The following GALK1 variants were observed in gnomAD, a reference collection of about 807,000 sequenced individuals.
The protein encoded by GALK1 is galactokinase 1.
GALK1 carries 30 observed loss-of-function variants against 38.6 expected under a neutral mutation model. That is an observed-to-expected ratio of 0.78 (90% CI 0.58 to 1.05). GALK1 has a LOEUF of 1.05. GALK1 is among the 50% of genes least tolerant of loss of function. The pLI, the probability that GALK1 is intolerant of heterozygous loss-of-function variation, is 0.00. For synonymous variants in GALK1, 240 were observed against 233.6 expected (o/e 1.03, Z -0.25); for missense variants, 512 against 540.5 (o/e 0.95, Z 0.52).
At chr17:75,763,231 C>A (rs749966530) in intron 3 of GALK1, 82 bp from the exon 4 acceptor site, 1 of 1,610,294 alleles carries the variant, frequency 6.2e-7, no homozygotes, top group Admixed American at 1.7e-5. Context: ...GAGTCCCTGC[C>A]ACCCCCTCCA....
chr17:75,758,802 GAC>G (rs1233353239), intron 5 of GALK1, among the ~76,000 whole-genome samples: 2 of 152,214 alleles, frequency 1.3e-5, no homozygotes, highest in Non-Finnish European at 2.9e-5. Context: ...TGTAAAATGG[GAC>G]ACCTTGGTCC....
rs1568395477 is a variant in GALK1 at position 75,763,649 on chromosome 17, GTCC to G, written c.356-213_356-211del. On this transcript the variant is annotated intron_variant, in intron 2 of 7. Coordinates refer to ENST00000588479, the MANE Select transcript of GALK1 (RefSeq NM_000154.2). The stretch of plus-strand genomic sequence containing the variant: ...TGAGGTTGCTGGGACACTTCTAATT[GTCC>G]TCCTGGTTTAGGGCTCTGGAGGGAA... 4.3e-6 allele frequency: 3 copies of G among 697,826 alleles called. No homozygotes were observed. The South Asian group carries it at 5.3e-5, about 12-fold the overall frequency. The allele number at this position is 697,826 out of a possible 1,614,324, so 43.2% of individuals were successfully genotyped here. A position where few individuals can be genotyped will look rare whatever the true frequency, so the allele number is the denominator to read the frequency against.
Position 75,763,982 on chromosome 17 carries a change from A to G in GALK1, c.270T>C (p.Phe90=). ...GCGAGCGCTGGGCTGTGGGCAGTGG[A>G]AACTGCAGCCGCTGGGGCTCATCGG... ...EGADEPQRLQ[F]PLPTAQRSLE... The change falls in exon 2 of 8, where the codon TTT becomes TTC. Residue 90 remains phenylalanine, a synonymous_variant. Transcript: ENST00000588479. 6.2e-7 allele frequency: 1 copy of G among 1,612,708 alleles called. No individual in the cohort carries two copies. Among genetic ancestry groups the G allele is most frequent in the South Asian group, 1.1e-5 (1 of 90,990 alleles).
At chr17:75,764,456 G>A (rs748304279) in intron 1 of GALK1, 6 of 558,344 alleles carry the variant, frequency 1.1e-5, no homozygotes, top group South Asian at 2.8e-5. Flanking sequence ...GGCGGAAAGC[G>A]CCCCCCGCTG....
intron 2 of GALK1, 137 bp downstream of exon 2, chr17:75,763,760 G>T (rs112266635): frequency 3.4e-5 from 32 of 949,330 alleles, no homozygotes; most frequent in Middle Eastern, 5.6e-4. Flanking sequence ...GGGGGCATCA[G>T]TTTCCTCATC....
intron 5 of GALK1, among the ~76,000 whole-genome samples, chr17:75,759,385 G>T (rs1442449513): frequency 6.6e-6 from 1 of 151,366 alleles, no homozygotes; most frequent in Non-Finnish European, 1.5e-5. Context: ...TGGAGATCAT[G>T]CCACTGCACT....
At chr17:75,757,663 C>A, downstream of GALK1, 1 of 1,471,194 alleles carries the variant, frequency 6.8e-7, no homozygotes, top group Non-Finnish European at 9.5e-7. Context: ...CCAGCCCACC[C>A]GCATGCACAG....
intron 3 of GALK1, 53 bp from the exon 4 acceptor site, chr17:75,763,202 T>C (rs1179312062): frequency 6.2e-7 from 1 of 1,609,916 alleles, no homozygotes; most frequent in East Asian, 2.2e-5. Flanking sequence ...CAGCAGTGGC[T>C]TCAATGACAC....
chr17:75,764,093 G>T lies in GALK1; in HGVS notation c.166-7C>A, dbSNP rs2061600221. On this transcript the variant is annotated splice_polypyrimidine_tract_variant and splice_region_variant and intron_variant, in intron 1 of 7. Coordinates refer to ENST00000588479, the MANE Select transcript of GALK1 (RefSeq NM_000154.2). ...CCGTCATGAGCTCCAGAGCCTGGCA[G>T]GAGAGACAAGCAGTACGTGAGGCTT... The T allele has an allele frequency of 6.4e-7, 1 of 1,570,306 alleles. No individual in the cohort carries two copies.
At position 75,758,093 on chromosome 17, in the gene GALK1, G is replaced by C. The variant is rs953866726; in HGVS notation, c.1142C>G (p.Ser381Cys). ...HYGGTATFYLSQAADGAKVLC... is the reference protein window; with the variant it reads ...HYGGTATFYLCQAADGAKVLC... ...CACCTTGGCTCCATCGGCTGCTTGAGAGAGGTAGAAGGTGGCAGTCCCGCC... is the reference window on the plus strand; with the variant it reads ...CACCTTGGCTCCATCGGCTGCTTGACAGAGGTAGAAGGTGGCAGTCCCGCC... The change falls in exon 8 of 8, where the codon TCT becomes TGT. Residue 381 changes from serine to cysteine, a missense_variant. Physicochemically the swap from Ser to Cys is moderately radical, Grantham distance 112. Coordinates refer to ENST00000588479, the MANE Select transcript of GALK1 (RefSeq NM_000154.2). The C allele has an allele frequency of 1.2e-5, 19 of 1,612,214 alleles. No individual in the cohort carries two copies. The African/African-American group carries it at 2.4e-4, about 20-fold the overall frequency.
intron 5 of GALK1, among the ~76,000 whole-genome samples, chr17:75,759,433 A>AAAAAAAGAAAG (rs10670567): frequency 6.7e-6 from 1 of 149,472 alleles, no homozygotes; most frequent in African/African-American, 2.5e-5. Flanking sequence ...CTCTCAAAAA[A>AAAAAAAGAAAG]AAAGAAAGAA....
downstream of GALK1, chr17:75,753,763 A>G (rs1290721529): frequency 9.7e-6 from 14 of 1,438,646 alleles, no homozygotes; most frequent in Non-Finnish European, 1.3e-5. Context: ...GTTGTTCCCA[A>G]GGCTGCGGCT....
rs2143603001 is a variant in GALK1, at chr17:75,763,136, T to A, written c.489A>T (p.Ile163=). 3 of 1,611,776 alleles carry A rather than the reference T, an allele frequency of 1.9e-6. No individual in the cohort carries two copies. Among genetic ancestry groups the A allele is most frequent in the South Asian group, 2.2e-5 (2 of 91,082 alleles). Reference sequence around the variant, plus strand: ...GCTGACACACCTGGGCGCGGGCAGCTATTGTGCCCGAGTCTGCAGTACAGG... The same window carrying A: ...GCTGACACACCTGGGCGCGGGCAGCAATTGTGCCCGAGTCTGCAGTACAGG... The part of the protein sequence containing the change: ...LQQLCPDSGT[I]AARAQVCQQA... The change falls in exon 4 of 8, where the codon ATA becomes ATT. Residue 163 remains isoleucine (I), a synonymous_variant. Transcript: ENST00000588479.
At chr17:75,754,753 AAC>A, downstream of GALK1, 1 of 1,612,642 alleles carries the variant, frequency 6.2e-7, no homozygotes, top group Non-Finnish European at 8.5e-7. Context: ...ACCCGCTCAG[AAC>A]ACTCACACTC....
In GALK1 at chr17:75,762,996, G is replaced by A. The variant is rs188851202; in HGVS notation, c.611+18C>T. ...TGCTGAGTGCAGGGCGGGAGGGGAC[G>A]AGGGGAGCGAGCCCAACCTGCAGTC... On this transcript the variant is annotated intron_variant, in intron 4 of 7. Transcript: ENST00000588479. 2.6e-4 allele frequency: 413 copies of A among 1,612,428 alleles called. 2 individuals are homozygous for A. The African/African-American group carries it at 4.7e-3, about 18-fold the overall frequency.
In GALK1 at chr17:75,757,966, C is replaced by G. The variant is rs908367115; in HGVS notation, c.*90G>C. 1.5e-5 allele frequency: 21 copies of G among 1,429,826 alleles called. No individual in the cohort carries two copies. Among genetic ancestry groups the G allele is most frequent in the Non-Finnish European group, 1.9e-5 (20 of 1,029,210 alleles). The allele number at this position is 1,429,826 out of a possible 1,614,324, so 88.6% of individuals were successfully genotyped here. A position where few individuals can be genotyped will look rare whatever the true frequency, so the allele number is the denominator to read the frequency against. ...ACATTGGAGGCACAAGTTTATTGAG[C>G]ACCCGGATATGGAAGATGGCACCGG... On this transcript the variant is annotated 3_prime_UTR_variant, in exon 8 of 8. Transcript: ENST00000588479.
chr17:75,754,777 C>T (rs752769046), downstream of GALK1: 8 of 1,612,544 alleles, frequency 5.0e-6, no homozygotes, highest in Non-Finnish European at 6.8e-6. Flanking sequence ...ACCACACTGC[C>T]CAGGGACTAC....
exon 9 of GALK1, chr17:75,751,715 A>T (rs820390): frequency 0.76 from 172,693 of 226,782 alleles, 67,144 homozygotes; most frequent in Non-Finnish European, 0.84. Context: ...CACTCCAGAC[A>T]GGGTGACAGA....
intron 5 of GALK1, 135 bp from the exon 6 acceptor site, chr17:75,758,734 T>G: frequency 9.4e-7 from 1 of 1,069,082 alleles, no homozygotes; most frequent in Non-Finnish European, 1.4e-6. Context: ...CAGGGCAGCC[T>G]GGCTCTCTCA....
Sources: allele counts gnomAD v4.1 joint callset (sites outside exome capture counted in the v4.1 genomes callset), GRCh38; gene constraint gnomAD v4.1.1; transcripts MANE v1.5; gene names NCBI Gene and HGNC (gene_info 2026-07-23, HGNC 2026-07-21).